Variants in FGF14 observed in about 807,000 individuals in gnomAD.
FGF14 encodes the protein fibroblast growth factor homologous factor 4.
A neutral mutation model predicts 25.5 loss-of-function variants in FGF14; 5 were observed. The ratio of observed to expected loss-of-function variants is 0.20; its 90% confidence interval spans 0.10 to 0.41. The LOEUF (loss-of-function observed/expected upper bound fraction) is 0.41, where lower values mean the gene tolerates loss of function less well. Among genes scored for constraint, FGF14 ranks in the 10% least tolerant of loss-of-function variants. The pLI is 1.00. For missense variants in FGF14, 222 were observed against 320.1 expected (o/e 0.69, Z 2.34); for synonymous variants, 138 against 118.3 (o/e 1.17, Z -1.08).
intron 1 of FGF14, among the ~76,000 whole-genome samples, chr13:102,391,314 AT>A (rs993090241): frequency 1.3e-4 from 20 of 152,246 alleles, no homozygotes; most frequent in Non-Finnish European, 2.6e-4. Flanking sequence ...TTATGGCTGC[AT>A]ATCAGACCAC....
intron 1 of FGF14, among the ~76,000 whole-genome samples, chr13:102,024,485 G>A (rs1052335532): frequency 9.6e-6 from 1 of 104,344 alleles, no homozygotes; most frequent in Non-Finnish European, 1.7e-5. Flanking sequence ...TTTTAATGTG[G>A]TCTGTGTTTT....
chr13:102,163,363 A>G (rs945281562), intron 1 of FGF14, among the ~76,000 whole-genome samples: 6 of 152,114 alleles, frequency 3.9e-5, no homozygotes, highest in Non-Finnish European at 7.4e-5. Flanking sequence ...CTTCTCTTCC[A>G]TAGAGGAAGG....
At chr13:101,876,772 C>A (rs909731236) in intron 1 of FGF14, among the ~76,000 whole-genome samples, 2 of 152,060 alleles carry the variant, frequency 1.3e-5, no homozygotes, top group South Asian at 4.1e-4. Flanking sequence ...CTTCCCAAAT[C>A]ACATAATTCT....
At chr13:101,906,687 A>G (rs962603155) in intron 1 of FGF14, among the ~76,000 whole-genome samples, 1 of 152,190 alleles carries the variant, frequency 6.6e-6, no homozygotes, top group African/African-American at 2.4e-5. Context: ...TATCATGTCT[A>G]TAAATTTGTT....
At chr13:102,030,239 G>GT (rs2041144072) in intron 1 of FGF14, among the ~76,000 whole-genome samples, 1 of 152,006 alleles carries the variant, frequency 6.6e-6, no homozygotes, top group South Asian at 2.1e-4. Flanking sequence ...ACTGTACTTT[G>GT]TAAAGTCTTC....
At chr13:101,776,079 C>T (rs9518537) in intron 3 of FGF14, among the ~76,000 whole-genome samples, 59,368 of 151,818 alleles carry the variant, frequency 0.39, 12,251 homozygotes, top group East Asian at 0.74. Context: ...GGTGCGCTTA[C>T]GAGTTCCATT....
chr13:102,192,918 T>C (rs74109519), intron 1 of FGF14, among the ~76,000 whole-genome samples: 2,287 of 152,274 alleles, frequency 0.015, 55 homozygotes, highest in African/African-American at 0.051. Flanking sequence ...CTATTCTCTT[T>C]TCTTTCTGCG....
intron 1 of FGF14, among the ~76,000 whole-genome samples, chr13:102,298,027 T>A (rs1274426067): frequency 2.6e-5 from 4 of 152,106 alleles, no homozygotes; most frequent in African/African-American, 9.7e-5. Context: ...GTGTAAGAAT[T>A]TTTGAAATCA....
In FGF14 at chr13:101,942,431, A is replaced by T. The variant is rs546579586; in HGVS notation, c.209-67135T>A. 1.1e-4 allele frequency among the ~76,000 whole-genome samples: 16 copies of T among 152,290 alleles called. No individual in the cohort carries two copies. The South Asian group carries it at 3.3e-3, about 32-fold the overall frequency. On this transcript the variant is annotated intron_variant, in intron 1 of 4. Coordinates refer to the FGF14 transcript ENST00000376131. Reference sequence around the variant, plus strand: ...AACATGAAAATATTATTAAGAAATAATTTTTCACAGTTAAAAATTTAGTAC... The same window carrying T: ...AACATGAAAATATTATTAAGAAATATTTTTTCACAGTTAAAAATTTAGTAC...
chr13:102,350,205 C>CA (rs957325045), intron 1 of FGF14, among the ~76,000 whole-genome samples: 3 of 151,920 alleles, frequency 2.0e-5, no homozygotes, highest in East Asian at 1.9e-4. Context: ...TCCGTCTCTA[C>CA]AAAAAAATTA....
chr13:101,835,526 G>A (rs968707387), intron 3 of FGF14, among the ~76,000 whole-genome samples: 7 of 151,874 alleles, frequency 4.6e-5, no homozygotes, highest in African/African-American at 7.3e-5. Flanking sequence ...CAGGGTAATC[G>A]ATATGACTTT....
At chr13:101,991,897 A>G (rs1233799584) in intron 1 of FGF14, among the ~76,000 whole-genome samples, 2 of 151,926 alleles carry the variant, frequency 1.3e-5, no homozygotes, top group Non-Finnish European at 2.9e-5. Context: ...ACGCAGGGAG[A>G]AGGACAAAGT....
intron 1 of FGF14, among the ~76,000 whole-genome samples, chr13:102,136,460 A>G (rs1196939402): frequency 6.6e-6 from 1 of 152,128 alleles, no homozygotes; most frequent in African/African-American, 2.4e-5. Flanking sequence ...CATAACAACA[A>G]CAACAAATCA....
chr13:102,070,009 A>T (rs191978638), intron 1 of FGF14, among the ~76,000 whole-genome samples: 18 of 152,340 alleles, frequency 1.2e-4, no homozygotes, highest in African/African-American at 4.3e-4. Flanking sequence ...AGCACAGGTA[A>T]CCAGAACAAA....
At chr13:102,213,387 A>C (rs761305354) in intron 1 of FGF14, among the ~76,000 whole-genome samples, 1 of 152,200 alleles carries the variant, frequency 6.6e-6, no homozygotes, top group East Asian at 1.9e-4. Context: ...TTCTCAAAGC[A>C]CTTTGCATTT....
intron 3 of FGF14, among the ~76,000 whole-genome samples, chr13:101,781,994 C>CT: frequency 6.6e-6 from 1 of 152,258 alleles, no homozygotes; most frequent in East Asian, 1.9e-4. Context: ...AGTACATGTT[C>CT]TTTTTGGTCT....
intron 3 of FGF14, among the ~76,000 whole-genome samples, chr13:101,852,320 T>C (rs1026432210): frequency 2.0e-5 from 3 of 152,108 alleles, no homozygotes; most frequent in African/African-American, 7.2e-5. Flanking sequence ...ATACATATCA[T>C]AATTCCTAAT....
At chr13:101,895,250 A>T (rs757424592) in intron 1 of FGF14, among the ~76,000 whole-genome samples, 1 of 152,144 alleles carries the variant, frequency 6.6e-6, no homozygotes, top group African/African-American at 2.4e-5. Context: ...AAGGTATATT[A>T]AGTAACATTT....
At chr13:102,179,256 G>C (rs1160808101) in intron 1 of FGF14, among the ~76,000 whole-genome samples, 1 of 152,078 alleles carries the variant, frequency 6.6e-6, no homozygotes, top group Non-Finnish European at 1.5e-5. Context: ...TGTCAGCAGA[G>C]CATGGCCCTG....
Sources: gnomAD v4.1 joint callset for allele counts (sites outside exome capture counted in the v4.1 genomes callset) on GRCh38, gnomAD v4.1.1 for gene constraint, MANE v1.5 for transcripts, NCBI Gene and HGNC (gene_info 2026-07-23, HGNC 2026-07-21) for gene names.